SIK3: variants seen among roughly 807,000 people sequenced by gnomAD.
SIK3 encodes SIK family kinase 3.
A neutral mutation model predicts 144.2 loss-of-function variants in SIK3; 28 were observed. That is an observed-to-expected ratio of 0.19 (90% CI 0.14 to 0.27). The LOEUF (loss-of-function observed/expected upper bound fraction) is 0.27, where lower values mean the gene tolerates loss of function less well. Among genes scored for constraint, SIK3 ranks in the 10% least tolerant of loss-of-function variants. SIK3 has a pLI of 1.00. For missense variants in SIK3, 1,319 were observed against 1,776.0 expected (o/e 0.74, Z 4.62); for synonymous variants, 686 against 676.3 (o/e 1.01, Z -0.22).
intron 3 of SIK3, among the ~76,000 whole-genome samples, chr11:116,931,314 G>A (rs1245758704): frequency 6.6e-6 from 1 of 152,196 alleles, no homozygotes; most frequent in African/African-American, 2.4e-5. Flanking sequence ...AAAATATCTT[G>A]TGGTACATTT....
rs1297865397 is a variant in SIK3 at position 116,849,074 on chromosome 11, G to A, written c.3819+46C>T. 2 of 1,534,310 alleles carry A rather than the reference G, an allele frequency of 1.3e-6. No individual in the cohort carries two copies. The highest frequency in any genetic ancestry group is 1.4e-5 in the African/African-American group (1 of 72,826). ...CATCACTATACTCTGTTTCAAGGCT[G>A]GGACTGGGAGGATCCACCTCTGTGC... is the stretch of plus-strand genomic sequence containing the variant. On this transcript the variant is annotated intron_variant, in intron 22 of 24. Transcript: ENST00000445177. This position sits in a 1 kb window ranked among gnomAD's most constrained non-coding sequence, Gnocchi z 4.2.
chr11:117,066,156 G>A (rs1160374784), intron 1 of SIK3, among the ~76,000 whole-genome samples: 8 of 147,982 alleles, frequency 5.4e-5, no homozygotes, highest in African/African-American at 1.5e-4. Flanking sequence ...TGCAACCTCC[G>A]CCTCCGGATT....
intron 1 of SIK3, among the ~76,000 whole-genome samples, chr11:116,998,801 T>C (rs1182261073): frequency 6.6e-6 from 1 of 152,204 alleles, no homozygotes; most frequent in Non-Finnish European, 1.5e-5. Context: ...AGCCACAGAA[T>C]CATAAATCTA....
At position 116,972,796 on chromosome 11, in the gene SIK3, A is replaced by T. The variant is rs370197497; in HGVS notation, c.274-15732T>A. On this transcript the variant is annotated intron_variant, in intron 1 of 24. Coordinates refer to ENST00000445177, the MANE Select transcript of SIK3 (RefSeq NM_001366686.3). Reference sequence around the variant, plus strand: ...GACTGGCCCCCAATGGTTCTCTCTCACACACACATACACACACACACACAC... The same window carrying T: ...GACTGGCCCCCAATGGTTCTCTCTCTCACACACATACACACACACACACAC... 9.3e-4 allele frequency among the ~76,000 whole-genome samples: 139 copies of T among 149,892 alleles called. No homozygotes were observed. In the Middle Eastern group the frequency reaches 0.014, roughly 15 times the overall value.
intron 1 of SIK3, among the ~76,000 whole-genome samples, chr11:117,047,636 A>C (rs185196491): frequency 1.3e-3 from 192 of 152,306 alleles, no homozygotes; most frequent in Non-Finnish European, 2.0e-3. Context: ...AACTCAGTAA[A>C]TACTTGTTGC....
chr11:116,984,589 T>A (rs779033089), intron 1 of SIK3, among the ~76,000 whole-genome samples: 12 of 152,268 alleles, frequency 7.9e-5, no homozygotes, highest in South Asian at 4.1e-4. Flanking sequence ...GCAAAAATGG[T>A]TGTTTCGTGT....
chr11:116,982,972 T>C (rs61905686), intron 1 of SIK3, among the ~76,000 whole-genome samples: 1 of 136,390 alleles, frequency 7.3e-6, no homozygotes, highest in Non-Finnish European at 1.6e-5. Flanking sequence ...AAAAAAAATT[T>C]CTGACCCGAG....
chr11:117,023,621 A>AAAAAAAAAT (rs754624841), intron 1 of SIK3, among the ~76,000 whole-genome samples: 5 of 95,406 alleles, frequency 5.2e-5, no homozygotes, highest in Non-Finnish European at 6.3e-5. Context: ...AAAAAAAAAA[A>AAAAAAAAAT]ATATATATAT....
chr11:116,875,127 T>C, intron 11 of SIK3, 31 bp downstream of exon 11: 1 of 1,555,918 alleles, frequency 6.4e-7, no homozygotes. Context: ...TTTGCCCCAG[T>C]GTTAGTGAGG....
chr11:117,034,169 A>T (rs1253550722), intron 1 of SIK3, among the ~76,000 whole-genome samples: 1 of 152,242 alleles, frequency 6.6e-6, no homozygotes, highest in African/African-American at 2.4e-5. Flanking sequence ...TGTATAAGTT[A>T]TCACATAGAA....
chr11:117,057,308 C>T (rs1469088731), intron 1 of SIK3, among the ~76,000 whole-genome samples: 5 of 152,072 alleles, frequency 3.3e-5, no homozygotes, highest in African/African-American at 4.8e-5. Flanking sequence ...ATTTTTCTTA[C>T]GAAGTACATA....
In SIK3 at chr11:117,098,362, C is replaced by A; in HGVS notation, c.54G>T (p.Gly18=). Reference sequence around the variant, plus strand: ...GCAGGCGGCCCGCGGGCCCGGCTCCCCCAGTCCCGGCCCCGGCAGCCCCGC... The same window carrying A: ...GCAGGCGGCCCGCGGGCCCGGCTCCACCAGTCCCGGCCCCGGCAGCCCCGC... ...GAGGAAGAGT[G]GAGPAGRLLP... is the part of the protein sequence containing the mutation. The change falls in exon 1 of 25, where the codon GGG becomes GGT. Residue 18 remains glycine, a synonymous_variant. Coordinates refer to ENST00000445177, the MANE Select transcript of SIK3 (RefSeq NM_001366686.3). 8.6e-7 allele frequency: 1 copy of A among 1,166,318 alleles called. No individual in the cohort carries two copies. The highest frequency in any genetic ancestry group is 1.1e-6 in the Non-Finnish European group (1 of 948,276). The allele number at this position is 1,166,318 out of a possible 1,614,324, so 72.2% of individuals were successfully genotyped here.
intron 15 of SIK3, among the ~76,000 whole-genome samples, chr11:116,866,441 C>A (rs778760559): frequency 2.6e-5 from 4 of 152,042 alleles, no homozygotes; most frequent in Non-Finnish European, 4.4e-5. Flanking sequence ...TCAAAGTGCT[C>A]TTTATTTATT....
At chr11:117,008,826 A>G (rs529064465) in intron 1 of SIK3, among the ~76,000 whole-genome samples, 1 of 152,342 alleles carries the variant, frequency 6.6e-6, no homozygotes, top group African/African-American at 2.4e-5. Flanking sequence ...ACTTTCCTGA[A>G]GCCTGTTGTG....
chr11:116,915,861 T>C (rs932478163), intron 4 of SIK3, among the ~76,000 whole-genome samples: 1 of 152,158 alleles, frequency 6.6e-6, no homozygotes, highest in Non-Finnish European at 1.5e-5. Context: ...GTAAACTTAA[T>C]AAAATACAAT....
intron 4 of SIK3, among the ~76,000 whole-genome samples, chr11:116,921,427 G>C (rs2135071522): frequency 6.6e-6 from 1 of 152,148 alleles, no homozygotes; most frequent in Non-Finnish European, 1.5e-5. Context: ...TCTCTTCTGT[G>C]CCATTATGCA....
intron 3 of SIK3, among the ~76,000 whole-genome samples, chr11:116,946,746 A>G (rs61907603): frequency 1.2e-3 from 180 of 152,262 alleles, no homozygotes; most frequent in Non-Finnish European, 2.1e-3. Context: ...TTTCCTTCAG[A>G]GCAATGCTTC....
intron 1 of SIK3, chr11:117,035,748 A>G (rs1435443283): frequency 1.1e-5 from 14 of 1,242,538 alleles, no homozygotes; most frequent in Non-Finnish European, 1.5e-5. Context: ...TTTTAATCCA[A>G]AATGTGTTTA....
intron 1 of SIK3, among the ~76,000 whole-genome samples, chr11:117,028,174 A>G (rs1324894989): frequency 2.0e-5 from 3 of 152,184 alleles, no homozygotes; most frequent in Non-Finnish European, 4.4e-5. Context: ...TTATATCAAC[A>G]CTAAGAAATG....
Sources: allele counts gnomAD v4.1 joint callset (sites outside exome capture counted in the v4.1 genomes callset), GRCh38; gene constraint gnomAD v4.1.1; non-coding constraint Gnocchi (gnomAD v3.1); transcripts MANE v1.5; gene names NCBI Gene and HGNC (gene_info 2026-07-23, HGNC 2026-07-21).